The following RNF180 variants were observed in gnomAD, a reference collection of about 807,000 sequenced individuals.
RNF180 encodes the protein ring finger protein 180.
In RNF180, 38 loss-of-function variants were observed where a neutral mutation model predicts 59.2. That is an observed-to-expected ratio of 0.64 (90% CI 0.50 to 0.84). The LOEUF (loss-of-function observed/expected upper bound fraction) is 0.84, where lower values mean the gene tolerates loss of function less well. Ranked by LOEUF, RNF180 falls within the 40% of genes least tolerant of loss-of-function variation. RNF180 has a pLI of 0.00. For missense variants in RNF180, 705 were observed against 700.9 expected (o/e 1.01, Z -0.07); for synonymous variants, 262 against 240.3 (o/e 1.09, Z -0.84).
chr5:64,217,727 A>T (rs1223993390), intron 5 of RNF180: 2 of 177,946 alleles, frequency 1.1e-5, no homozygotes, highest in Non-Finnish European at 2.3e-5. Flanking sequence ...AGGCAGGAGG[A>T]TTGCTTGAGT....
intron 5 of RNF180, among the ~76,000 whole-genome samples, chr5:64,251,589 A>AT (rs1743581209): frequency 1.3e-5 from 2 of 152,002 alleles, no homozygotes; most frequent in South Asian, 2.1e-4. Flanking sequence ...CACCTGGCTA[A>AT]TTTTTTTAAT....
intron 7 of RNF180, among the ~76,000 whole-genome samples, chr5:64,367,558 C>T (rs1209000714): frequency 5.3e-5 from 8 of 151,346 alleles, no homozygotes; most frequent in African/African-American, 1.2e-4. Flanking sequence ...TTTGAACCTA[C>T]GTAAGTAAAT....
rs1169051886 is a variant in RNF180 at position 64,314,828 on chromosome 5, A to G, written c.1228-10358A>G. ...GTTTTAGTTGAATTATGTGAAGAAA[A>G]TCTAGCTAGACATGCAGTCAGAAAA... On this transcript the variant is annotated intron_variant, in intron 5 of 7. Transcript: ENST00000389100. 2.0e-5 allele frequency among the ~76,000 whole-genome samples: 3 copies of G among 152,148 alleles called. No homozygotes were observed. In the East Asian group the frequency reaches 5.8e-4, roughly 29 times the overall value.
rs1475187593 is a variant in RNF180 at position 64,315,756 on chromosome 5, A to AT, written c.1228-9424dup. ...TCTCAAAAAAAAAAAAAAAAAAAAG[A>AT]TTTTTTACTCAAAATAACCATTATG... On this transcript the variant is annotated intron_variant, in intron 5 of 7. Transcript: ENST00000389100. Among the ~76,000 whole-genome samples the AT allele has an allele frequency of 3.4e-5, 5 of 149,164 alleles. No homozygotes were observed. The South Asian group carries it at 6.3e-4, about 19-fold the overall frequency.
chr5:64,167,976 T>C (rs1397788140), intron 1 of RNF180, among the ~76,000 whole-genome samples: 1 of 152,136 alleles, frequency 6.6e-6, no homozygotes, highest in Non-Finnish European at 1.5e-5. Flanking sequence ...GATTGCAGAG[T>C]CTTGAAACAT....
At chr5:64,191,931 G>T (rs1438550590) in intron 1 of RNF180, among the ~76,000 whole-genome samples, 1 of 152,104 alleles carries the variant, frequency 6.6e-6, no homozygotes, top group Non-Finnish European at 1.5e-5. Flanking sequence ...AGATATTACT[G>T]TTTAAGTGTT....
At chr5:64,268,383 T>C (rs1356321561) in intron 5 of RNF180, among the ~76,000 whole-genome samples, 1 of 152,176 alleles carries the variant, frequency 6.6e-6, no homozygotes, top group Non-Finnish European at 1.5e-5. Flanking sequence ...CTTTTTTTAG[T>C]GTCCATGACA....
intron 7 of RNF180, among the ~76,000 whole-genome samples, chr5:64,354,156 T>C (rs1580301395): frequency 1.3e-5 from 2 of 151,296 alleles, no homozygotes; most frequent in South Asian, 4.2e-4. Flanking sequence ...AATAGAAAAA[T>C]AGAATCAACA....
chr5:64,179,230 C>G (rs1051255687), intron 1 of RNF180, among the ~76,000 whole-genome samples: 1 of 152,030 alleles, frequency 6.6e-6, no homozygotes, highest in Non-Finnish European at 1.5e-5. Flanking sequence ...TAAAATATTT[C>G]AAATTTACGA....
At chr5:64,367,407 A>C (rs577200917) in intron 7 of RNF180, among the ~76,000 whole-genome samples, 8 of 151,816 alleles carry the variant, frequency 5.3e-5, no homozygotes, top group African/African-American at 1.9e-4. Context: ...TAGCAGTAAA[A>C]AAAGTTTTTA....
chr5:64,230,853 C>T (rs930139616), intron 5 of RNF180, among the ~76,000 whole-genome samples: 1 of 152,152 alleles, frequency 6.6e-6, no homozygotes, highest in Non-Finnish European at 1.5e-5. Context: ...CCACATTATT[C>T]ACTTCTCTAG....
chr5:64,303,723 A>G (rs1743286180), intron 5 of RNF180, among the ~76,000 whole-genome samples: 1 of 151,634 alleles, frequency 6.6e-6, no homozygotes, highest in South Asian at 2.1e-4. Flanking sequence ...CTCTATAACA[A>G]AAAAGTGCAA....
chr5:64,221,253 T>C (rs1741314325), intron 5 of RNF180, among the ~76,000 whole-genome samples: 2 of 152,082 alleles, frequency 1.3e-5, no homozygotes, highest in South Asian at 4.1e-4. Context: ...AATTAATGGT[T>C]ATTGAAATGA....
In RNF180 at chr5:64,193,347, C is replaced by A. The variant is rs555468477; in HGVS notation, c.1-7461C>A. ...AAATTTTTGGAAGTGATGGATATAT[C>A]AAGTACCTTGATTGTGGTGGTAGAA... On this transcript the variant is annotated intron_variant, in intron 1 of 7. Transcript: ENST00000389100. 2.0e-5 allele frequency among the ~76,000 whole-genome samples: 3 copies of A among 152,190 alleles called. No individual in the cohort carries two copies. In the South Asian group the frequency reaches 6.2e-4, roughly 32 times the overall value.
At chr5:64,268,340 GA>G (rs1561228738) in intron 5 of RNF180, among the ~76,000 whole-genome samples, 5 of 152,140 alleles carry the variant, frequency 3.3e-5, no homozygotes. Context: ...TATAAATTAA[GA>G]GGCAATGAAA....
chr5:64,362,610 G>A (rs1561281689), intron 7 of RNF180, among the ~76,000 whole-genome samples: 3 of 151,828 alleles, frequency 2.0e-5, no homozygotes, highest in Admixed American at 6.6e-5. Flanking sequence ...ACCCAGTAAC[G>A]GGATTGCTGG....
At chr5:64,241,718 G>T (rs1366264972) in intron 5 of RNF180, among the ~76,000 whole-genome samples, 4 of 152,078 alleles carry the variant, frequency 2.6e-5, no homozygotes. Context: ...CTTGGTTGTA[G>T]CACAATAATA....
intron 1 of RNF180, among the ~76,000 whole-genome samples, chr5:64,196,166 A>G (rs1332722405): frequency 2.0e-5 from 3 of 150,848 alleles, no homozygotes; most frequent in African/African-American, 7.3e-5. Context: ...ACCAAAAATG[A>G]TGTCATGTAT....
chr5:64,236,273 C>T (rs951869432), intron 5 of RNF180, among the ~76,000 whole-genome samples: 2 of 152,166 alleles, frequency 1.3e-5, no homozygotes, highest in African/African-American at 4.8e-5. Context: ...TTTTGCTATG[C>T]TTTAGCAAAG....
Sources: allele counts gnomAD v4.1 joint callset (sites outside exome capture counted in the v4.1 genomes callset), GRCh38; gene constraint gnomAD v4.1.1; transcripts MANE v1.5; gene names NCBI Gene and HGNC (gene_info 2026-07-23, HGNC 2026-07-21).